The following ASPH variants were observed in gnomAD, a reference collection of about 807,000 sequenced individuals.
ASPH encodes the protein aspartate beta-hydroxylase, also known as aspartyl/asparaginyl beta-hydroxylase.
A neutral mutation model predicts 118.4 loss-of-function variants in ASPH; 100 were observed. The observed-to-expected ratio is 0.84, with a 90% CI of 0.72 to 1.00. ASPH has a LOEUF of 1.00. Ranked by LOEUF, ASPH falls within the 50% of genes least tolerant of loss-of-function variation. The probability of loss-of-function intolerance (pLI) is 0.00; values close to 1 mark genes in which losing one functional copy is unlikely to be tolerated. For synonymous variants in ASPH, 315 were observed against 325.6 expected, an observed-to-expected ratio of 0.97 and a Z score of 0.35; for missense variants, 920 against 919.5, an observed-to-expected ratio of 1.00 and a Z score of -0.01.
chr8:61,626,182 T>A, intron 13 of ASPH: 1 of 1,388,762 alleles, frequency 7.2e-7, no homozygotes, highest in East Asian at 2.7e-5. Flanking sequence ...ATCTGCTCAG[T>A]AATTGCTTCA....
At chr8:61,634,516 T>C (rs980033222) in intron 12 of ASPH, among the ~76,000 whole-genome samples, 26 of 152,214 alleles carry the variant, frequency 1.7e-4, no homozygotes, top group African/African-American at 5.3e-4. Flanking sequence ...TTATAAAAAA[T>C]GACACATGCT....
chr8:61,532,919 G>A (rs1818112382), intron 21 of ASPH, among the ~76,000 whole-genome samples: 1 of 152,162 alleles, frequency 6.6e-6, no homozygotes, highest in Admixed American at 6.5e-5. Context: ...TGCACTATAT[G>A]CAAGTATAGC....
At chr8:61,576,948 C>A in intron 15 of ASPH, 90 bp from the exon 16 acceptor site, 2 of 1,130,292 alleles carry the variant, frequency 1.8e-6, no homozygotes, top group South Asian at 3.4e-5. Flanking sequence ...GTGGTTTTGT[C>A]AGAGTTTCCT....
chr8:61,681,231 CA>C (rs1414014501), intron 2 of ASPH, among the ~76,000 whole-genome samples, 195 bp from the exon 3 acceptor site: 1 of 151,732 alleles, frequency 6.6e-6, no homozygotes, highest in Admixed American at 6.6e-5. Flanking sequence ...TTAAGAGAGT[CA>C]GGAAATGTTC....
chr8:61,713,200 C>G (rs766744206), intron 1 of ASPH, among the ~76,000 whole-genome samples: 8 of 152,198 alleles, frequency 5.3e-5, no homozygotes, highest in African/African-American at 1.2e-4. Flanking sequence ...GCACTACTTT[C>G]CCCATTTAAA....
intron 5 of ASPH, 75 bp downstream of exon 5, chr8:61,650,975 C>A: frequency 1.4e-6 from 2 of 1,421,736 alleles, no homozygotes; most frequent in Non-Finnish European, 1.9e-6. Context: ...AATTTTAAAA[C>A]AAATGTCCAA....
intron 24 of ASPH, among the ~76,000 whole-genome samples, chr8:61,514,729 AC>A (rs1258103782): frequency 6.6e-6 from 1 of 151,820 alleles, no homozygotes; most frequent in Non-Finnish European, 1.5e-5. Context: ...CAAAACAAAA[AC>A]AAAAAAACTT....
intron 16 of ASPH, among the ~76,000 whole-genome samples, chr8:61,570,530 T>G (rs1833167919): frequency 6.6e-6 from 1 of 152,206 alleles, no homozygotes; most frequent in South Asian, 2.1e-4. Context: ...ATAATCTGTA[T>G]GCCTTGTCCC....
At chr8:61,503,649 G>T in intron 24 of ASPH, 140 bp from the exon 25 acceptor site, 1 of 760,926 alleles carries the variant, frequency 1.3e-6, no homozygotes, top group Non-Finnish European at 2.0e-6. Context: ...TCAAGCCCAA[G>T]TTTATTCTTC....
intron 3 of ASPH, chr8:61,662,891 T>C: frequency 1.0e-6 from 1 of 984,578 alleles, no homozygotes; most frequent in Non-Finnish European, 1.2e-6. Flanking sequence ...TATTCCAAAA[T>C]ATTTTCACTC....
Position 61,714,260 on chromosome 8 carries a change from G to A in ASPH, c.103+9C>T, listed in dbSNP as rs1838835475. The stretch of plus-strand genomic sequence containing the variant: ...AGGCCCCAGATCCCCGCCCCGCAGG[G>A]CCTCTGACCTCTCCGGGCCCCGGGG... On this transcript the variant is annotated intron_variant, in intron 1 of 24. Coordinates refer to ENST00000379454, the MANE Select transcript of ASPH (RefSeq NM_004318.4). The A allele has an allele frequency of 2.0e-6, 3 of 1,498,058 alleles. No individual in the cohort carries two copies. Among genetic ancestry groups the A allele is most frequent in the Admixed American group, 2.2e-5 (1 of 45,696 alleles). The allele number at this position is 1,498,058 out of a possible 1,614,324, so 92.8% of individuals were successfully genotyped here.
rs1181344113 is a variant in ASPH, at chr8:61,501,142, C to T, written c.*2217G>A. The T allele has an allele frequency of 1.3e-5, 2 of 151,922 alleles. No homozygotes were observed. The highest frequency in any genetic ancestry group is 6.6e-5 in the Admixed American group (1 of 15,256). 9.4% of individuals were successfully genotyped at this position (151,922 alleles called of 1,614,324 possible). On this transcript the variant is annotated 3_prime_UTR_variant, in exon 25 of 25. Coordinates refer to ENST00000379454, the MANE Select transcript of ASPH (RefSeq NM_004318.4). Reference sequence around the variant, plus strand: ...ACATACGAAATCACAAAAATAATAACACTGAAATAATTCTACCAATGCAGT... The same window carrying T: ...ACATACGAAATCACAAAAATAATAATACTGAAATAATTCTACCAATGCAGT...
At chr8:61,654,859 C>A (rs1812828734) in intron 3 of ASPH, among the ~76,000 whole-genome samples, 1 of 152,134 alleles carries the variant, frequency 6.6e-6, no homozygotes, top group Non-Finnish European at 1.5e-5. Flanking sequence ...AGACAGGCTG[C>A]AAAGGGATTA....
At chr8:61,643,246 T>G in intron 9 of ASPH, 140 bp downstream of exon 9, 1 of 803,952 alleles carries the variant, frequency 1.2e-6, no homozygotes, top group Non-Finnish European at 1.9e-6. Context: ...TCTAACTTTG[T>G]TATAAAACAA....
chr8:61,662,122 T>C (rs948278596), intron 3 of ASPH, among the ~76,000 whole-genome samples: 31 of 152,240 alleles, frequency 2.0e-4, no homozygotes, highest in African/African-American at 7.2e-4. Context: ...TATTAAAGGA[T>C]AGAAGATCAT....
intron 21 of ASPH, among the ~76,000 whole-genome samples, chr8:61,526,374 T>A (rs559209823): frequency 1.1e-4 from 17 of 152,248 alleles, no homozygotes; most frequent in African/African-American, 4.1e-4. Flanking sequence ...CTCTCCACAA[T>A]CTGTTTTGCC....
At chr8:61,583,487 T>C (rs1326367581) in intron 15 of ASPH, 1 of 152,484 alleles carries the variant, frequency 6.6e-6, no homozygotes, top group Non-Finnish European at 1.4e-5. Context: ...GAAGCAGAGG[T>C]TCCAGTTAGC....
Position 61,620,658 on chromosome 8 carries a change from G to A in ASPH, c.935-1639C>T, listed in dbSNP as rs147277605. On this transcript the variant is annotated intron_variant, in intron 13 of 24. Transcript: ENST00000379454. The stretch of plus-strand genomic sequence containing the variant: ...AATGTCTGGCACATTTGTAGTCATC[G>A]GAGATACAGCAATGAAGAAAAGCAT... Among the ~76,000 whole-genome samples the A allele has an allele frequency of 2.1e-3, 322 of 152,264 alleles. 2 individuals carry two copies. Among genetic ancestry groups the A allele is most frequent in the African/African-American group, 6.9e-3 (288 of 41,560 alleles).
chr8:61,574,018 C>T (rs539757785), intron 16 of ASPH, among the ~76,000 whole-genome samples: 2 of 152,152 alleles, frequency 1.3e-5, no homozygotes, highest in African/African-American at 2.4e-5. Context: ...AAACAAACAA[C>T]CCCATCAAAA....
Sources: gnomAD v4.1 joint callset for allele counts (sites outside exome capture counted in the v4.1 genomes callset) on GRCh38, gnomAD v4.1.1 for gene constraint, MANE v1.5 for transcripts, NCBI Gene and HGNC (gene_info 2026-07-23, HGNC 2026-07-21) for gene names.